Variants in DECR1 observed in about 807,000 individuals in gnomAD.
DECR1 encodes the protein 2,4-dienoyl-CoA reductase [(3E)-enoyl-CoA-producing], mitochondrial.
In DECR1, 44 loss-of-function variants were observed where a neutral mutation model predicts 38.8. The observed-to-expected ratio is 1.13, with a 90% confidence interval of 0.89 to 1.46. DECR1 has a LOEUF of 1.46. DECR1 is among the 40% of genes most tolerant of loss of function. The pLI is 0.00. For missense variants in DECR1, 428 were observed against 405.5 expected, an observed-to-expected ratio of 1.06 and a Z score of -0.48; for synonymous variants, 148 against 135.2, an observed-to-expected ratio of 1.09 and a Z score of -0.66.
intron 1 of DECR1, among the ~76,000 whole-genome samples, chr8:90,013,213 A>T (rs1310649300): frequency 2.0e-5 from 3 of 152,212 alleles, no homozygotes; most frequent in Non-Finnish European, 4.4e-5. Context: ...CTAAGTGCTC[A>T]AAAGATAACT....
intron 1 of DECR1, among the ~76,000 whole-genome samples, chr8:90,002,633 A>G (rs2129983026): frequency 6.6e-6 from 1 of 152,368 alleles, no homozygotes; most frequent in Non-Finnish European, 1.5e-5. Flanking sequence ...TTGATTTGAT[A>G]GAATAGACAG....
intron 2 of DECR1, among the ~76,000 whole-genome samples, chr8:90,017,920 C>G (rs1291942351): frequency 6.6e-6 from 1 of 152,154 alleles, no homozygotes; most frequent in Non-Finnish European, 1.5e-5. Flanking sequence ...TTGTCCAGCT[C>G]TTGTCGCCCA....
intron 8 of DECR1, among the ~76,000 whole-genome samples, chr8:90,046,877 A>G (rs1813920028): frequency 6.6e-6 from 1 of 152,242 alleles, no homozygotes; most frequent in South Asian, 2.1e-4. Flanking sequence ...GGGGGCCAAT[A>G]TTCAACATTC....
At chr8:90,026,133 T>A (rs917327007) in intron 5 of DECR1, among the ~76,000 whole-genome samples, 2 of 152,240 alleles carry the variant, frequency 1.3e-5, no homozygotes, top group Admixed American at 6.5e-5. Flanking sequence ...GCCAGTATTT[T>A]ACTGAAGATT....
intron 5 of DECR1, among the ~76,000 whole-genome samples, chr8:90,033,400 T>C (rs757076184): frequency 1.3e-5 from 2 of 152,230 alleles, no homozygotes; most frequent in Non-Finnish European, 2.9e-5. Context: ...TTCTGTTGTC[T>C]GCTCTGAGCT....
chr8:90,011,256 C>T (rs1177936187), intron 1 of DECR1, among the ~76,000 whole-genome samples: 1 of 152,170 alleles, frequency 6.6e-6, no homozygotes, highest in Non-Finnish European at 1.5e-5. Context: ...GCAATGTTTA[C>T]AGTCAGCATA....
At chr8:90,014,673 G>A (rs189908803) in intron 1 of DECR1, among the ~76,000 whole-genome samples, 95 of 152,224 alleles carry the variant, frequency 6.2e-4, no homozygotes, top group African/African-American at 1.8e-3. Context: ...AAGTTTGTAT[G>A]CAAATATCTT....
intron 6 of DECR1, among the ~76,000 whole-genome samples, chr8:90,038,602 G>A (rs1005551753): frequency 6.6e-6 from 1 of 151,840 alleles, no homozygotes; most frequent in Non-Finnish European, 1.5e-5. Context: ...GAGATTACAG[G>A]CATATGCCAC....
At chr8:90,029,498 T>C (rs1051548065) in intron 5 of DECR1, 1 of 151,938 alleles carries the variant, frequency 6.6e-6, no homozygotes, top group Non-Finnish European at 1.5e-5. Flanking sequence ...AGGAAGAGAA[T>C]AAATGTAAAT....
At chr8:90,049,422 T>G (rs1814007199) in intron 8 of DECR1, among the ~76,000 whole-genome samples, 1 of 152,192 alleles carries the variant, frequency 6.6e-6, no homozygotes, top group African/African-American at 2.4e-5. Context: ...GAACTCCCAT[T>G]CACAATTGCT....
intron 5 of DECR1, among the ~76,000 whole-genome samples, chr8:90,028,193 A>G (rs1366090174): frequency 6.6e-6 from 1 of 152,122 alleles, no homozygotes; most frequent in African/African-American, 2.4e-5. Context: ...CCTGAATCCA[A>G]CAAAAGCCTC....
intron 7 of DECR1, 46 bp downstream of exon 7, chr8:90,042,846 T>C: frequency 6.9e-7 from 1 of 1,456,324 alleles, no homozygotes. Context: ...GATTAAATAA[T>C]GAAACACTGA....
In DECR1 at chr8:90,036,797, A is replaced by T. The variant is rs771991719; in HGVS notation, c.566-44A>T. 6 of 1,241,564 alleles carry T rather than the reference A, an allele frequency of 4.8e-6. No individual in the cohort carries two copies. In the Admixed American group the frequency reaches 1.1e-4, roughly 22 times the overall value. The allele number at this position is 1,241,564 out of a possible 1,614,324, so 76.9% of individuals were successfully genotyped here. ...AATAATGTTTTCCTTATGTGTAGTG[A>T]TACATCTATATTGCTAATCAACTGT... On this transcript the variant is annotated intron_variant, in intron 5 of 9. Coordinates refer to ENST00000220764, the MANE Select transcript of DECR1 (RefSeq NM_001359.2).
chr8:90,027,331 C>A (rs1813374425), intron 5 of DECR1, among the ~76,000 whole-genome samples: 1 of 152,106 alleles, frequency 6.6e-6, no homozygotes, highest in South Asian at 2.1e-4. Context: ...TTGTTAAAGT[C>A]TCCCATTATT....
At chr8:90,026,254 G>T (rs183801482) in intron 5 of DECR1, among the ~76,000 whole-genome samples, 72 of 152,304 alleles carry the variant, frequency 4.7e-4, no homozygotes, top group Admixed American at 9.2e-4. Flanking sequence ...AGTCAGGGAG[G>T]ATTCCCTCTT....
intron 7 of DECR1, among the ~76,000 whole-genome samples, chr8:90,043,767 C>A (rs1813821348): frequency 6.6e-6 from 1 of 152,056 alleles, no homozygotes; most frequent in South Asian, 2.1e-4. Context: ...ACTAAACAGT[C>A]TAATAAAATT....
At chr8:90,031,036 A>G (rs995964473) in intron 5 of DECR1, among the ~76,000 whole-genome samples, 1 of 152,168 alleles carries the variant, frequency 6.6e-6, no homozygotes, top group Admixed American at 6.6e-5. Flanking sequence ...CTTTCTAAGT[A>G]GTAATTAGAA....
intron 5 of DECR1, among the ~76,000 whole-genome samples, chr8:90,035,969 T>C (rs1415535191): frequency 6.6e-6 from 1 of 152,140 alleles, no homozygotes; most frequent in Non-Finnish European, 1.5e-5. Context: ...GCTCTGGATG[T>C]TCAGTGAAGC....
intron 5 of DECR1, among the ~76,000 whole-genome samples, chr8:90,026,810 A>G (rs555987867): frequency 6.6e-6 from 1 of 151,994 alleles, no homozygotes; most frequent in African/African-American, 2.4e-5. Context: ...TTTAATTGTG[A>G]TGTTGGGTGC....
Sources: allele counts gnomAD v4.1 joint callset (sites outside exome capture counted in the v4.1 genomes callset), GRCh38; gene constraint gnomAD v4.1.1; transcripts MANE v1.5; gene names NCBI Gene and HGNC (gene_info 2026-07-23, HGNC 2026-07-21).